The following TSHZ3 variants were observed in gnomAD, a reference collection of about 807,000 sequenced individuals.
TSHZ3 encodes the protein teashirt homolog 3.
TSHZ3 carries 10 observed loss-of-function variants against 64.5 expected under a neutral mutation model. The ratio of observed to expected loss-of-function variants is 0.16; its 90% CI spans 0.10 to 0.26. The LOEUF (loss-of-function observed/expected upper bound fraction) is 0.26. Among genes scored for constraint, TSHZ3 ranks in the 10% least tolerant of loss-of-function variants. TSHZ3 has a pLI of 1.00. For missense variants in TSHZ3, 1,242 were observed against 1,421.7 expected, an observed-to-expected ratio of 0.87 and a Z score of 2.03; for synonymous variants, 608 against 593.1, an observed-to-expected ratio of 1.03 and a Z score of -0.36.
chr19:31,209,755 G>A (rs1183982467), intron 4 of TSHZ3, among the ~76,000 whole-genome samples: 2 of 152,188 alleles, frequency 1.3e-5, no homozygotes, highest in Non-Finnish European at 2.9e-5. Flanking sequence ...GGCATAAGGT[G>A]TGGGAATGGT....
At chr19:31,268,396 C>T (rs192998490) in intron 1 of TSHZ3, among the ~76,000 whole-genome samples, 70 of 152,290 alleles carry the variant, frequency 4.6e-4, no homozygotes, top group Admixed American at 1.1e-3. Context: ...CTCACTGAAA[C>T]ACAAGAGCCA....
chr19:31,172,347 G>A (rs1396723402), intron 5 of TSHZ3, among the ~76,000 whole-genome samples: 1 of 152,148 alleles, frequency 6.6e-6, no homozygotes, highest in Non-Finnish European at 1.5e-5. Context: ...AGAAAATCAG[G>A]CAAAAATTTG....
At chr19:31,233,596 T>C (rs1396755802) in intron 3 of TSHZ3, among the ~76,000 whole-genome samples, 1 of 152,164 alleles carries the variant, frequency 6.6e-6, no homozygotes, top group Admixed American at 6.5e-5. Flanking sequence ...TTTGATGATG[T>C]ACAACTGGTC....
At chr19:31,325,386 G>A (rs1479031204) in intron 1 of TSHZ3, among the ~76,000 whole-genome samples, 2 of 152,180 alleles carry the variant, frequency 1.3e-5, no homozygotes, top group African/African-American at 2.4e-5. Flanking sequence ...CCCAGAGACT[G>A]AAATAAAAAA....
intron 1 of TSHZ3, among the ~76,000 whole-genome samples, chr19:31,301,183 G>A (rs1206945337): frequency 1.3e-5 from 2 of 152,054 alleles, no homozygotes; most frequent in Non-Finnish European, 2.9e-5. Flanking sequence ...GATTGCGGGG[G>A]ATTTCAGTTC....
At chr19:31,168,174 G>A (rs575717621) in intron 5 of TSHZ3, among the ~76,000 whole-genome samples, 2 of 152,194 alleles carry the variant, frequency 1.3e-5, no homozygotes, top group East Asian at 3.9e-4. Flanking sequence ...TTTTGCTGCA[G>A]TAATTTTTAT....
chr19:31,252,950 T>C lies in TSHZ3; in HGVS notation n.64-10075A>G, dbSNP rs551631914. On this transcript the variant is annotated intron_variant and non_coding_transcript_variant, in intron 1 of 6. Coordinates refer to the TSHZ3 transcript ENST00000651361. ...TAATACTATTAGCCTCATAAAATTATGGTGAAGATTTAACAAGACAATGTA... is the reference window on the plus strand; with the variant it reads ...TAATACTATTAGCCTCATAAAATTACGGTGAAGATTTAACAAGACAATGTA... Among the ~76,000 whole-genome samples the C allele has an allele frequency of 5.3e-5, 8 of 152,334 alleles. No homozygotes were observed. In the East Asian group the frequency reaches 7.7e-4, roughly 15 times the overall value.
intron 1 of TSHZ3, among the ~76,000 whole-genome samples, chr19:31,297,644 T>A (rs948112364): frequency 6.6e-6 from 1 of 152,138 alleles, no homozygotes; most frequent in Non-Finnish European, 1.5e-5. Context: ...TTTAATATTT[T>A]TTTTGTAGAG....
intron 5 of TSHZ3, among the ~76,000 whole-genome samples, chr19:31,165,073 GT>G (rs1974428187): frequency 6.6e-6 from 1 of 152,224 alleles, no homozygotes; most frequent in African/African-American, 2.4e-5. Flanking sequence ...AGGCGGCTTT[GT>G]CACCTGGCCC....
At chr19:31,268,549 G>C (rs1976088357) in intron 1 of TSHZ3, among the ~76,000 whole-genome samples, 4 of 152,152 alleles carry the variant, frequency 2.6e-5, no homozygotes, top group African/African-American at 9.7e-5. Flanking sequence ...TGACACAGTG[G>C]GGCCCAGGCC....
chr19:31,272,908 C>T (rs1166577530), downstream of TSHZ3, among the ~76,000 whole-genome samples: 2 of 152,202 alleles, frequency 1.3e-5, no homozygotes, highest in Non-Finnish European at 2.9e-5. Context: ...CCCCCTCCTC[C>T]CTGCACCCAT....
chr19:31,203,644 A>T (rs906137357), intron 5 of TSHZ3, among the ~76,000 whole-genome samples: 1 of 152,114 alleles, frequency 6.6e-6, no homozygotes, highest in Non-Finnish European at 1.5e-5. Flanking sequence ...GTGAAGAAAC[A>T]GCTCTGGGGA....
intron 4 of TSHZ3, among the ~76,000 whole-genome samples, chr19:31,226,979 T>TA (rs1260339268): frequency 4.7e-5 from 6 of 127,162 alleles, no homozygotes. Flanking sequence ...CTTTCTTTCT[T>TA]TTTTTTTTTT....
intron 1 of TSHZ3, among the ~76,000 whole-genome samples, chr19:31,287,643 G>A (rs1311328310): frequency 6.6e-6 from 1 of 152,142 alleles, no homozygotes; most frequent in Non-Finnish European, 1.5e-5. Context: ...GCGTAGGGGA[G>A]AGAGAGGCCA....
At chr19:31,227,414 G>GA (rs1443829515) in intron 4 of TSHZ3, among the ~76,000 whole-genome samples, 3 of 152,132 alleles carry the variant, frequency 2.0e-5, no homozygotes, top group East Asian at 1.9e-4. Flanking sequence ...ATTTGAGGAG[G>GA]AAAAAAACCC....
At chr19:31,234,348 C>T (rs1395030241) in intron 3 of TSHZ3, among the ~76,000 whole-genome samples, 1 of 151,880 alleles carries the variant, frequency 6.6e-6, no homozygotes, top group African/African-American at 2.4e-5. Context: ...AAATATTTCT[C>T]TCCTTTTTAA....
intron 3 of TSHZ3, among the ~76,000 whole-genome samples, chr19:31,235,750 G>A (rs770858502): frequency 2.7e-5 from 3 of 111,738 alleles, no homozygotes; most frequent in Non-Finnish European, 5.0e-5. Context: ...TCACTCTGTC[G>A]CCCAGGCTGG....
chr19:31,323,761 C>T (rs1916845428), intron 1 of TSHZ3, among the ~76,000 whole-genome samples: 1 of 152,018 alleles, frequency 6.6e-6, no homozygotes. Context: ...ACAGTCACCC[C>T]ATCCACAATC....
chr19:31,215,422 C>G (rs1255004832), intron 4 of TSHZ3, among the ~76,000 whole-genome samples: 1 of 152,068 alleles, frequency 6.6e-6, no homozygotes, highest in Non-Finnish European at 1.5e-5. Flanking sequence ...TAAGTGTATA[C>G]AAGAAATATC....
Sources: allele counts gnomAD v4.1 joint callset (sites outside exome capture counted in the v4.1 genomes callset), GRCh38; gene constraint gnomAD v4.1.1; transcripts MANE v1.5; gene names NCBI Gene and HGNC (gene_info 2026-07-23, HGNC 2026-07-21).